The following CENPE variants were observed in gnomAD, a reference collection of about 807,000 sequenced individuals.
CENPE encodes centromere protein E, also known as centromere-associated protein E.
In CENPE, 145 loss-of-function variants were observed where a neutral mutation model predicts 336.1. That is an observed-to-expected ratio of 0.43 (90% CI 0.38 to 0.50). The LOEUF is 0.50. Ranked by LOEUF, CENPE falls within the 20% of genes least tolerant of loss-of-function variation. The pLI is 0.00. For missense variants in CENPE, 2,719 were observed against 3,023.3 expected (o/e 0.90, Z 2.36); for synonymous variants, 1,013 against 984.8 (o/e 1.03, Z -0.54).
chr4:103,195,310 T>C, intron 4 of CENPE, 77 bp from the exon 5 acceptor site: 1 of 1,280,106 alleles, frequency 7.8e-7, no homozygotes, highest in Non-Finnish European at 1.1e-6. Flanking sequence ...CTCATGTGCT[T>C]AAAGAGGTAA....
Position 103,108,932 on chromosome 4 carries a change from C to G in CENPE, c.7882G>C (p.Glu2628Gln). 6.2e-7 allele frequency: 1 copy of G among 1,613,892 alleles called. No individual in the cohort carries two copies. The highest frequency in any genetic ancestry group is 1.1e-5 in the South Asian group (1 of 91,070). Residue 2628 changes from glutamate to glutamine, a missense_variant, in exon 48 of 49, where the codon GAA becomes CAA. Around this residue, in one of 5 missense-constraint regions of CENPE, gnomAD observed 2,437 missense variants for 2,513.3 expected, o/e 0.97. Coordinates refer to ENST00000265148, the MANE Select transcript of CENPE (RefSeq NM_001813.3). ...KKQITPSQCKERNLQDPVPKE... is the reference protein window; with the variant it reads ...KKQITPSQCKQRNLQDPVPKE... ...GGCACAGGATCTTGTAAATTCCGTTCCTTGCATTGAGAGGGTGTAATTTGT... is the reference window on the plus strand; with the variant it reads ...GGCACAGGATCTTGTAAATTCCGTTGCTTGCATTGAGAGGGTGTAATTTGT...
At chr4:103,166,790 T>C (rs1305297035) in intron 16 of CENPE, among the ~76,000 whole-genome samples, 1 of 152,172 alleles carries the variant, frequency 6.6e-6, no homozygotes, top group Non-Finnish European at 1.5e-5. Context: ...ACTTTGCAAG[T>C]CTGATAACAA....
chr4:103,140,448 A>C (rs1454066646), intron 36 of CENPE, 34 bp from the exon 37 acceptor site: 4 of 1,399,106 alleles, frequency 2.9e-6, no homozygotes, highest in Non-Finnish European at 3.9e-6. Context: ...AAATGTAATG[A>C]TATAAAGGCA....
At chr4:103,126,374 G>C (rs1751102665) in intron 42 of CENPE, among the ~76,000 whole-genome samples, 1 of 152,154 alleles carries the variant, frequency 6.6e-6, no homozygotes, top group African/African-American at 2.4e-5. Flanking sequence ...CTGGAGGAGG[G>C]GGAAATACTA....
At chr4:103,145,388 C>A (rs1752947045) in intron 31 of CENPE, 54 bp from the exon 32 acceptor site, 3 of 1,327,022 alleles carry the variant, frequency 2.3e-6, no homozygotes, top group East Asian at 2.3e-5. Flanking sequence ...TAAACACACA[C>A]ACACACATAC....
chr4:103,138,355 AT>A lies in CENPE; in HGVS notation c.6298del (p.Ile2100Ter), dbSNP rs759024865. ...TESLREKCSR[I>X]KELLKRYSEM... The stretch of plus-strand genomic sequence containing the variant: ...GTTTTAACAGGGGGTACTTACTTTT[AT>A]TCTAGAGCACTTTTCTCTCAGGCTT... On this transcript the variant is annotated frameshift_variant, in exon 39 of 49. Coordinates refer to ENST00000265148, the MANE Select transcript of CENPE (RefSeq NM_001813.3). LOFTEE classifies it high-confidence loss of function. 1 of 1,604,448 alleles carries A rather than the reference AT, an allele frequency of 6.2e-7. No individual in the cohort carries two copies. Among genetic ancestry groups the A allele is most frequent in the Non-Finnish European group, 8.5e-7 (1 of 1,171,230 alleles).
chr4:103,194,762 T>C (rs1757615664), intron 5 of CENPE, 78 bp from the exon 6 acceptor site: 1 of 1,049,530 alleles, frequency 9.5e-7, no homozygotes, highest in Non-Finnish European at 1.4e-6. Context: ...TGCAAACTAT[T>C]ATAGAATTCA....
chr4:103,182,939 A>T (rs376820132), intron 10 of CENPE, 48 bp from the exon 11 acceptor site: 1 of 1,565,442 alleles, frequency 6.4e-7, no homozygotes, highest in East Asian at 2.3e-5. Flanking sequence ...GAACGTTTAT[A>T]TAATAAAGTA....
rs561288787 is a variant in CENPE at position 103,144,436 on chromosome 4, T to G, written c.5040A>C (p.Glu1680Asp). 1.1e-5 allele frequency: 18 copies of G among 1,614,096 alleles called. No homozygotes were observed. In the African/African-American group the frequency reaches 1.2e-4, roughly 11 times the overall value. ...CTCTTTCTTTTGTTACAGATCTCAT[T>G]TCTTCAAGGTTTTCATGTAGTATCT... ...LTQILHENLE[E>D]MRSVTKERDD... Residue 1680 changes from glutamate to aspartate, a missense_variant, in exon 33 of 49, where the codon GAA becomes GAC. Around this residue, in one of 5 missense-constraint regions of CENPE, gnomAD observed 2,437 missense variants for 2,513.3 expected, o/e 0.97. Coordinates refer to ENST00000265148, the MANE Select transcript of CENPE (RefSeq NM_001813.3).
intron 42 of CENPE, among the ~76,000 whole-genome samples, chr4:103,130,315 C>A (rs1016402967): frequency 6.6e-6 from 1 of 152,196 alleles, no homozygotes; most frequent in Non-Finnish European, 1.5e-5. Flanking sequence ...AAGCAACTAT[C>A]GCAAAGTTGC....
At chr4:103,154,413 A>C (rs546467625) in intron 24 of CENPE, among the ~76,000 whole-genome samples, 2 of 152,262 alleles carry the variant, frequency 1.3e-5, no homozygotes, top group South Asian at 4.1e-4. Context: ...GTAACCTACA[A>C]ATAATTTTTA....
intron 16 of CENPE, among the ~76,000 whole-genome samples, chr4:103,167,600 A>G (rs1755030563): frequency 6.6e-6 from 1 of 152,200 alleles, no homozygotes; most frequent in Admixed American, 6.5e-5. Context: ...CAAAACAACA[A>G]GAATTCTGTA....
intron 16 of CENPE, among the ~76,000 whole-genome samples, chr4:103,165,539 T>C (rs980310060): frequency 4.6e-5 from 7 of 152,184 alleles, no homozygotes; most frequent in African/African-American, 1.7e-4. Flanking sequence ...TAGCTAAACC[T>C]TTCCCCAAAA....
chr4:103,122,392 C>A (rs1750713075), intron 43 of CENPE, among the ~76,000 whole-genome samples: 1 of 152,086 alleles, frequency 6.6e-6, no homozygotes, highest in South Asian at 2.1e-4. Flanking sequence ...TTCTTAGATA[C>A]AAGTTAACCT....
At position 103,144,505 on chromosome 4, in the gene CENPE, C is replaced by G; in HGVS notation, c.4971G>C (p.Lys1657Asn). The change falls in exon 33 of 49, where the codon AAG becomes AAC. Residue 1657 changes from lysine to asparagine, a missense_variant. Lys to Asn is a moderately conservative substitution (Grantham distance 94, BLOSUM62 0). Coordinates refer to ENST00000265148, the MANE Select transcript of CENPE (RefSeq NM_001813.3). Reference sequence around the variant, plus strand: ...CCGTTTCTATGTTTTCCAGGTTTAACTTCTGGGTCTCAAATTGCTCCTTCA... The same window carrying G: ...CCGTTTCTATGTTTTCCAGGTTTAAGTTCTGGGTCTCAAATTGCTCCTTCA... ...EHLKEQFETQ[K>N]LNLENIETEN... The G allele has an allele frequency of 6.2e-7, 1 of 1,614,072 alleles. No individual in the cohort carries two copies. The highest frequency in any genetic ancestry group is 8.5e-7 in the Non-Finnish European group (1 of 1,180,022).
In CENPE at chr4:103,175,952, TAA is replaced by T; in HGVS notation, c.1479+6_1479+7del. The stretch of plus-strand genomic sequence containing the variant: ...AAGCATTATATGCTGTAAAATACAT[TAA>T]GTTACCTGATTTAGTAGCTTTGTTG... On this transcript the variant is annotated splice_donor_region_variant and intron_variant, in intron 15 of 48. Coordinates refer to ENST00000265148, the MANE Select transcript of CENPE (RefSeq NM_001813.3). 4 of 1,538,714 alleles carry T rather than the reference TAA, an allele frequency of 2.6e-6. No individual in the cohort carries two copies. The highest frequency in any genetic ancestry group is 3.6e-6 in the Non-Finnish European group (4 of 1,118,666).
At chr4:103,158,237 G>A in intron 24 of CENPE, 63 bp downstream of exon 24, 1 of 1,181,334 alleles carries the variant, frequency 8.5e-7, no homozygotes, top group Non-Finnish European at 1.2e-6. Context: ...ATGCATTTAA[G>A]TATTTGAGGT....
chr4:103,198,202 C>A (rs1454893426), intron 1 of CENPE, 62 bp downstream of exon 1: 1 of 1,497,130 alleles, frequency 6.7e-7, no homozygotes, highest in African/African-American at 1.4e-5. Flanking sequence ...AGGCCTCGCC[C>A]CTCCGGCTCA....
intron 48 of CENPE, 140 bp from the exon 49 acceptor site, chr4:103,106,456 T>G (rs894977469): frequency 1.4e-5 from 7 of 510,176 alleles, no homozygotes; most frequent in Non-Finnish European, 2.4e-5. Flanking sequence ...TGTTTGGTCA[T>G]GAAGATGGTG....
Sources: gnomAD v4.1 joint callset for allele counts (sites outside exome capture counted in the v4.1 genomes callset) on GRCh38, gnomAD v4.1.1 for gene constraint, gnomAD v4.1.1 regional missense constraint, MANE v1.5 for transcripts, NCBI Gene and HGNC (gene_info 2026-07-23, HGNC 2026-07-21) for gene names.